Variants in LRRC41 observed in about 807,000 individuals in gnomAD.
LRRC41 encodes the protein leucine-rich repeat-containing protein 41.
Under a neutral mutation model 72.1 loss-of-function variants are expected in LRRC41, and 17 were observed. The observed-to-expected ratio is 0.24, with a 90% CI of 0.16 to 0.35. LRRC41 has a LOEUF of 0.35. Ranked by LOEUF, LRRC41 falls within the 10% of genes least tolerant of loss-of-function variation. LRRC41 has a pLI of 1.00. For missense variants in LRRC41, 759 were observed against 1,065.0 expected (o/e 0.71, Z 4.00); for synonymous variants, 427 against 431.0 (o/e 0.99, Z 0.11).
In LRRC41 at chr1:46,303,593, G is replaced by C. The variant is rs1661296306; in HGVS notation, c.-271C>G. ...CATCAGCTACCCCTAACCTCTGCCT[G>C]CGGCTGGTAGTACATGCCAATCTGA... On this transcript the variant is annotated 5_prime_UTR_variant, in exon 1 of 10. Transcript: ENST00000617190. The C allele has an allele frequency of 1.0e-6, 1 of 991,726 alleles. No homozygotes were observed. The highest frequency in any genetic ancestry group is 1.5e-6 in the Non-Finnish European group (1 of 674,600). 61.4% of individuals were successfully genotyped at this position (991,726 alleles called of 1,614,324 possible).
Position 46,277,720 on chromosome 1 carries a change from G to C in LRRC41, c.*1145C>G. 7.3e-7 allele frequency: 1 copy of C among 1,365,852 alleles called. No individual in the cohort carries two copies. 84.6% of individuals were successfully genotyped at this position (1,365,852 alleles called of 1,614,324 possible). On this transcript the variant is annotated 3_prime_UTR_variant, in exon 10 of 10. Transcript: ENST00000617190. ...ACTTTTTATTCATCTCCTCTTCTCGGGTAGCTGTAGTTTCAACCCTTTGGT... is the reference window on the plus strand; with the variant it reads ...ACTTTTTATTCATCTCCTCTTCTCGCGTAGCTGTAGTTTCAACCCTTTGGT...
Position 46,285,022 on chromosome 1 carries a change from G to A in LRRC41, c.1495+340C>T, listed in dbSNP as rs990486094. The A allele has an allele frequency of 1.5e-5, 4 of 268,466 alleles. No homozygotes were observed. Among genetic ancestry groups the A allele is most frequent in the Non-Finnish European group, 1.5e-5 (2 of 136,480 alleles). 16.6% of individuals were successfully genotyped at this position (268,466 alleles called of 1,614,324 possible). ...ACTCTGATATGACTGGTGAGGTGGT[G>A]AGGTCAAACTCTAGCCCTGCCTGAG... On this transcript the variant is annotated intron_variant, in intron 4 of 9. Coordinates refer to ENST00000617190, the MANE Select transcript of LRRC41 (RefSeq NM_006369.5). This position sits in a 1 kb window ranked among gnomAD's most constrained non-coding sequence, Gnocchi z 5.3.
rs1056280313 is a variant in LRRC41, at chr1:46,278,437, T to C, written c.*428A>G. ...AAAATTTATTTTATAAGAAAAACTT[T>C]TTTGGTTAAAAAAAAGAATAAAGGT... On this transcript the variant is annotated 3_prime_UTR_variant, in exon 10 of 10. Transcript: ENST00000617190. The C allele has an allele frequency of 1.3e-5, 12 of 932,920 alleles. No homozygotes were observed. Among genetic ancestry groups the C allele is most frequent in the African/African-American group, 1.2e-4 (7 of 59,802 alleles). The allele number at this position is 932,920 out of a possible 1,614,324, so 57.8% of individuals were successfully genotyped here.
chr1:46,287,900 G>A (rs1231925331), intron 3 of LRRC41, among the ~76,000 whole-genome samples: 1 of 152,158 alleles, frequency 6.6e-6, no homozygotes, highest in Non-Finnish European at 1.5e-5. Context: ...CAAGGCAACA[G>A]TTATTTATTT....
chr1:46,279,740 T>C lies in LRRC41; in HGVS notation c.2021-126A>G. On this transcript the variant is annotated intron_variant, in intron 7 of 9. Coordinates refer to ENST00000617190, the MANE Select transcript of LRRC41 (RefSeq NM_006369.5). This position sits in a 1 kb window ranked among gnomAD's most constrained non-coding sequence, Gnocchi z 4.5. ...GCCCAAAAAGAGGAAGGAATTTGTC[T>C]AGACTCCAAGCAAGGCTGGAACTAA... 3 of 1,129,690 alleles carry C rather than the reference T, an allele frequency of 2.7e-6. No homozygotes were observed. The East Asian group carries it at 7.1e-5, about 27-fold the overall frequency. The allele number at this position is 1,129,690 out of a possible 1,614,324, so 70.0% of individuals were successfully genotyped here. A position where few individuals can be genotyped will look rare whatever the true frequency, so the allele number is the denominator to read the frequency against.
Position 46,297,692 on chromosome 1 carries a change from A to G in LRRC41, c.287-59T>C, listed in dbSNP as rs1569664347. 3.2e-6 allele frequency: 4 copies of G among 1,239,536 alleles called. No individual in the cohort carries two copies. In the East Asian group the frequency reaches 7.0e-5, roughly 22 times the overall value. 76.8% of individuals were successfully genotyped at this position (1,239,536 alleles called of 1,614,324 possible). A position where few individuals can be genotyped will look rare whatever the true frequency, so the allele number is the denominator to read the frequency against. On this transcript the variant is annotated intron_variant, in intron 2 of 9. Transcript: ENST00000617190. ...TGGCCACCATGAGTAAAGTACATCA[A>G]CCTTTCATGTTGTCTTCTGGGTTCA... is the stretch of plus-strand genomic sequence containing the variant.
rs749368390 is a variant in LRRC41, at chr1:46,278,149, C to G, written c.*716G>C. On this transcript the variant is annotated 3_prime_UTR_variant, in exon 10 of 10. Coordinates refer to ENST00000617190, the MANE Select transcript of LRRC41 (RefSeq NM_006369.5). ...GGTTCTGACTGCACTTCAGACCTGGCAGGGTGGAACCACTGCACTGATAAG... is the reference window on the plus strand; with the variant it reads ...GGTTCTGACTGCACTTCAGACCTGGGAGGGTGGAACCACTGCACTGATAAG... The G allele has an allele frequency of 1.9e-6, 3 of 1,613,756 alleles. No homozygotes were observed. Among genetic ancestry groups the G allele is most frequent in the Middle Eastern group, 1.7e-4 (1 of 6,060 alleles).
Position 46,298,271 on chromosome 1 carries a change from G to T in LRRC41, c.286+13C>A. 6.4e-7 allele frequency: 1 copy of T among 1,552,850 alleles called. No individual in the cohort carries two copies. The highest frequency in any genetic ancestry group is 8.9e-7 in the Non-Finnish European group (1 of 1,128,256). Reference sequence around the variant, plus strand: ...ATAATCATTGACTGAGAAAGAGACAGAAAGATACTCACCTTTCTTGAGGGC... The same window carrying T: ...ATAATCATTGACTGAGAAAGAGACATAAAGATACTCACCTTTCTTGAGGGC... On this transcript the variant is annotated intron_variant, in intron 2 of 9. Transcript: ENST00000617190.
intron 3 of LRRC41, among the ~76,000 whole-genome samples, chr1:46,290,416 A>G (rs1417232110): frequency 6.6e-6 from 1 of 152,192 alleles, no homozygotes; most frequent in African/African-American, 2.4e-5. Context: ...TCAAAAGTGT[A>G]AACTAACTCT....
intron 2 of LRRC41, 77 bp downstream of exon 2, chr1:46,298,207 G>C: frequency 9.8e-6 from 10 of 1,024,246 alleles, no homozygotes; most frequent in Non-Finnish European, 1.5e-5. Flanking sequence ...CAGGTATCAG[G>C]GGTAATATTT....
intron 1 of LRRC41, among the ~76,000 whole-genome samples, chr1:46,301,208 ATTC>A (rs1229693885): frequency 4.0e-5 from 6 of 151,840 alleles, no homozygotes; most frequent in African/African-American, 9.7e-5. Context: ...TCCTTTCTCC[ATTC>A]TTCTTAAGCC....
Position 46,278,659 on chromosome 1 carries a change from A to G in LRRC41, c.*206T>C, listed in dbSNP as rs1660696865. 3.2e-6 allele frequency: 2 copies of G among 621,892 alleles called. No individual in the cohort carries two copies. Among genetic ancestry groups the G allele is most frequent in the South Asian group, 2.0e-5 (1 of 49,962 alleles). 38.5% of individuals were successfully genotyped at this position (621,892 alleles called of 1,614,324 possible). The stretch of plus-strand genomic sequence containing the variant: ...TCCCAGGATACTGAGTAAGGGGCCC[A>G]AAGACTATAAACCCAGCTGTGAGAA... On this transcript the variant is annotated 3_prime_UTR_variant, in exon 10 of 10. Transcript: ENST00000617190.
At chr1:46,300,949 T>C (rs1661209408) in intron 1 of LRRC41, among the ~76,000 whole-genome samples, 1 of 152,164 alleles carries the variant, frequency 6.6e-6, no homozygotes, top group Non-Finnish European at 1.5e-5. Flanking sequence ...CTTCCTCCCC[T>C]GTCTCCTCTC....
intron 3 of LRRC41, among the ~76,000 whole-genome samples, chr1:46,287,899 A>G (rs1660917817): frequency 6.6e-6 from 1 of 152,232 alleles, no homozygotes. Context: ...CCAAGGCAAC[A>G]GTTATTTATT....
intron 3 of LRRC41, among the ~76,000 whole-genome samples, chr1:46,287,613 C>T (rs1350005689): frequency 1.3e-5 from 2 of 152,216 alleles, no homozygotes; most frequent in Non-Finnish European, 2.9e-5. Flanking sequence ...GAATGCTTTG[C>T]TCTAGCCAAG....
chr1:46,286,241 A>T lies in LRRC41; in HGVS notation c.616T>A (p.Ser206Thr), dbSNP rs1416546870. 6.2e-7 allele frequency: 1 copy of T among 1,614,274 alleles called. No individual in the cohort carries two copies. Among genetic ancestry groups the T allele is most frequent in the East Asian group, 2.2e-5 (1 of 44,890 alleles). Reference sequence around the variant, plus strand: ...AGTGACTGCTGAGCAGCCACATCAGAGAACAGCAGGTGGCGGAACTTGAGA... The same window carrying T: ...AGTGACTGCTGAGCAGCCACATCAGTGAACAGCAGGTGGCGGAACTTGAGA... ...HTLKFRHLLF[S>T]DVAAQQSLRQ... The change falls in exon 4 of 10, where the codon TCT becomes ACT. Residue 206 changes from serine to threonine, a missense_variant. Ser to Thr is a moderately conservative substitution (Grantham distance 58, BLOSUM62 1). This residue lies in a region of LRRC41 where 116 missense variants were observed against 250.9 expected (regional missense o/e 0.46). Transcript: ENST00000617190. This position sits in a 1 kb window ranked among gnomAD's most constrained non-coding sequence, Gnocchi z 5.5.
intron 2 of LRRC41, 100 bp downstream of exon 2, chr1:46,298,184 C>G: frequency 1.2e-6 from 1 of 835,134 alleles, no homozygotes; most frequent in South Asian, 1.7e-5. Flanking sequence ...TTTTGAAAAG[C>G]ACGAAGTTCT....
intron 3 of LRRC41, among the ~76,000 whole-genome samples, chr1:46,289,890 G>T (rs1297557250): frequency 6.6e-6 from 1 of 152,214 alleles, no homozygotes; most frequent in Non-Finnish European, 1.5e-5. Flanking sequence ...TTCTGTGAGG[G>T]TAAGGGAAAT....
chr1:46,296,001 G>A (rs149384781), intron 3 of LRRC41, among the ~76,000 whole-genome samples: 309 of 152,320 alleles, frequency 2.0e-3, no homozygotes, highest in Admixed American at 4.6e-3. Context: ...AGAAGGCCCA[G>A]TTCAAATACT....
Sources: allele counts gnomAD v4.1 joint callset (sites outside exome capture counted in the v4.1 genomes callset), GRCh38; gene constraint gnomAD v4.1.1; regional missense constraint gnomAD v4.1.1; non-coding constraint Gnocchi (gnomAD v3.1); transcripts MANE v1.5; gene names NCBI Gene and HGNC (gene_info 2026-07-23, HGNC 2026-07-21).